Variants in ARL6 observed in about 807,000 individuals in gnomAD.
The protein encoded by ARL6 is ADP-ribosylation factor-like protein 6.
Under a neutral mutation model 27.1 loss-of-function variants are expected in ARL6, and 18 were observed. That is an observed-to-expected ratio of 0.66 (90% CI 0.46 to 0.98). The LOEUF (loss-of-function observed/expected upper bound fraction) is 0.98, where lower values mean the gene tolerates loss of function less well. ARL6 is among the 50% of genes least tolerant of loss of function. The pLI, the probability that ARL6 is intolerant of heterozygous loss-of-function variation, is 0.00. For synonymous variants in ARL6, 65 were observed against 72.3 expected (o/e 0.90, Z 0.51); for missense variants, 187 against 214.9 (o/e 0.87, Z 0.81).
chr3:97,776,317 G>A (rs940279978), intron 2 of ARL6, among the ~76,000 whole-genome samples: 6 of 151,990 alleles, frequency 3.9e-5, no homozygotes, highest in African/African-American at 1.4e-4. Flanking sequence ...TTCAGCCTGT[G>A]TGTATCTTCA....
chr3:97,788,054 G>C lies in ARL6; in HGVS notation c.414G>C (p.Val138=), dbSNP rs745897107. Reference sequence around the variant, plus strand: ...ATAAAATGGATCTTAGAGATGCAGTGACATCTGTAAAAGTGTCTCAGTTGC... The same window carrying C: ...ATAAAATGGATCTTAGAGATGCAGTCACATCTGTAAAAGTGTCTCAGTTGC... ...FANKMDLRDA[V]TSVKVSQLLC... is the part of the protein sequence containing the mutation. The change falls in exon 6 of 8, where the codon GTG becomes GTC. Residue 138 remains valine (V), a synonymous_variant. Transcript: ENST00000463745. The C allele has an allele frequency of 1.2e-6, 2 of 1,612,020 alleles. No individual in the cohort carries two copies. The highest frequency in any genetic ancestry group is 1.1e-5 in the South Asian group (1 of 91,038).
At chr3:97,767,879 T>G (rs528340661) in intron 1 of ARL6, among the ~76,000 whole-genome samples, 4 of 152,290 alleles carry the variant, frequency 2.6e-5, no homozygotes, top group African/African-American at 7.2e-5. Context: ...CCACCTGTTA[T>G]AAGCTGCAAA....
At chr3:97,779,485 T>C (rs971425421) in intron 2 of ARL6, among the ~76,000 whole-genome samples, 3 of 152,130 alleles carry the variant, frequency 2.0e-5, no homozygotes, top group African/African-American at 7.2e-5. Context: ...TCTATTTACA[T>C]CTTCTAGCTT....
rs751754302 is a variant in ARL6, at chr3:97,788,030, T to C, written c.390T>C (p.Asn130=). The part of the protein sequence containing the change: ...HRRIPILFFA[N]KMDLRDAVTS... ...GAATTCCAATCTTATTCTTTGCAAA[T>C]AAAATGGATCTTAGAGATGCAGTGA... The change falls in exon 6 of 8, where the codon AAT becomes AAC. Residue 130 remains asparagine, a synonymous_variant. Coordinates refer to ENST00000463745, the MANE Select transcript of ARL6 (RefSeq NM_001278293.3). The C allele has an allele frequency of 6.2e-7, 1 of 1,613,004 alleles. No individual in the cohort carries two copies. Among genetic ancestry groups the C allele is most frequent in the Admixed American group, 1.7e-5 (1 of 59,954 alleles).
chr3:97,779,863 C>G (rs2037096792), intron 2 of ARL6, among the ~76,000 whole-genome samples: 1 of 147,982 alleles, frequency 6.8e-6, no homozygotes, highest in Non-Finnish European at 1.5e-5. Context: ...GAGACTCTAT[C>G]TCAAAAAAAA....
intron 2 of ARL6, among the ~76,000 whole-genome samples, chr3:97,769,855 A>G (rs2036557774): frequency 6.6e-6 from 1 of 152,072 alleles, no homozygotes; most frequent in Non-Finnish European, 1.5e-5. Flanking sequence ...ATTGCTGCAA[A>G]TGACAGGATT....
chr3:97,780,667 TG>T lies in ARL6; in HGVS notation c.241del (p.Glu81AsnfsTer20). 1 of 1,611,842 alleles carries T rather than the reference TG, an allele frequency of 6.2e-7. No homozygotes were observed. Among genetic ancestry groups the T allele is most frequent in the Non-Finnish European group, 8.5e-7 (1 of 1,178,168 alleles). On this transcript the variant is annotated frameshift_variant, in exon 4 of 8. Transcript: ENST00000463745. LOFTEE classifies it high-confidence loss of function. ...MSGQGRYRNL[W>X]EHYYKEGQAI... Reference sequence around the variant, plus strand: ...AGGTCAAGGAAGATACAGAAATCTCTGGGAACACTATTATAAGTAAGTACAT... The same window carrying T: ...AGGTCAAGGAAGATACAGAAATCTCTGGAACACTATTATAAGTAAGTACAT...
At position 97,800,555 on chromosome 3, in the gene ARL6, A is replaced by G. The variant is rs182322694; in HGVS notation, c.*2506A>G. The G allele has an allele frequency of 2.0e-5, 3 of 151,212 alleles. No homozygotes were observed. Among genetic ancestry groups the G allele is most frequent in the Admixed American group, 2.0e-4 (3 of 15,182 alleles). 9.4% of individuals were successfully genotyped at this position (151,212 alleles called of 1,614,324 possible). A position where few individuals can be genotyped will look rare whatever the true frequency, so the allele number is the denominator to read the frequency against. On this transcript the variant is annotated 3_prime_UTR_variant, in exon 8 of 8. Transcript: ENST00000463745. Reference sequence around the variant, plus strand: ...AAATCACAAAAGAGCTGGGTTTTATATGTTTGTTTTTTATTTCTAAGCTCT... The same window carrying G: ...AAATCACAAAAGAGCTGGGTTTTATGTGTTTGTTTTTTATTTCTAAGCTCT...
In ARL6 at chr3:97,780,255, AG is replaced by A. The variant is rs1559680030; in HGVS notation, c.185+36del. 1.9e-6 allele frequency: 3 copies of A among 1,539,232 alleles called. No individual in the cohort carries two copies. The Admixed American group carries it at 5.1e-5, about 26-fold the overall frequency. ...TTTATCCCTTAACAAAAAAGTTGCTAGTGAAAAATAACAATATTAGGTCTAC... is the reference window on the plus strand; with the variant it reads ...TTTATCCCTTAACAAAAAAGTTGCTATGAAAAATAACAATATTAGGTCTAC... On this transcript the variant is annotated intron_variant, in intron 3 of 7. Transcript: ENST00000463745.
intron 1 of ARL6, 63 bp from the exon 2 acceptor site, chr3:97,768,018 C>G (rs3806613): frequency 0.02 from 27,800 of 1,415,826 alleles, 536 homozygotes; most frequent in African/African-American, 0.096. Context: ...TTTAATACAC[C>G]TACCAATATT....
At chr3:97,786,044 A>G (rs1457754360) in intron 5 of ARL6, among the ~76,000 whole-genome samples, 1 of 152,150 alleles carries the variant, frequency 6.6e-6, no homozygotes, top group Non-Finnish European at 1.5e-5. Flanking sequence ...TGACTTTTTA[A>G]TGTTAAAAAC....
Position 97,784,991 on chromosome 3 carries a change from T to A in ARL6, c.291T>A (p.Ser97Arg), listed in dbSNP as rs2037381055. 5.6e-6 allele frequency: 9 copies of A among 1,612,822 alleles called. No homozygotes were observed. Among genetic ancestry groups the A allele is most frequent in the Non-Finnish European group, 6.8e-6 (8 of 1,179,228 alleles). The change falls in exon 5 of 8, where the codon AGT becomes AGA. Residue 97 changes from serine to arginine, a missense_variant. Ser to Arg is a moderately radical substitution (Grantham distance 110). Coordinates refer to ENST00000463745, the MANE Select transcript of ARL6 (RefSeq NM_001278293.3). ...CTATTATTTTTGTCATTGATAGTAG[T>A]GATAGATTAAGAATGGTTGTGGCCA... ...GQAIIFVIDS[S>R]DRLRMVVAKE...
intron 2 of ARL6, among the ~76,000 whole-genome samples, chr3:97,772,072 T>A (rs2036662793): frequency 6.6e-6 from 1 of 152,232 alleles, no homozygotes; most frequent in Non-Finnish European, 1.5e-5. Context: ...TTCCTTCTCT[T>A]TACTTTTTGG....
At position 97,798,152 on chromosome 3, in the gene ARL6, T is replaced by C. The variant is rs1023063252; in HGVS notation, c.*103T>C. The C allele has an allele frequency of 4.9e-6, 6 of 1,232,894 alleles. No individual in the cohort carries two copies. The highest frequency in any genetic ancestry group is 1.8e-5 in the Admixed American group (1 of 56,154). The allele number at this position is 1,232,894 out of a possible 1,614,324, so 76.4% of individuals were successfully genotyped here. On this transcript the variant is annotated 3_prime_UTR_variant, in exon 8 of 8. Coordinates refer to ENST00000463745, the MANE Select transcript of ARL6 (RefSeq NM_001278293.3). Reference sequence around the variant, plus strand: ...GATGTTTATGCATCAAAAAATATAATTTTCTGCTTGCATTTATGGACTCTG... The same window carrying C: ...GATGTTTATGCATCAAAAAATATAACTTTCTGCTTGCATTTATGGACTCTG...
At chr3:97,778,929 A>G (rs900319436) in intron 2 of ARL6, among the ~76,000 whole-genome samples, 1 of 152,084 alleles carries the variant, frequency 6.6e-6, no homozygotes, top group Non-Finnish European at 1.5e-5. Flanking sequence ...AAAGAATGTA[A>G]AAAAAAGGGA....
rs2038195667 is a variant in ARL6 at position 97,800,257 on chromosome 3, T to G, written c.*2208T>G. 1 of 152,152 alleles carries G rather than the reference T, an allele frequency of 6.6e-6. No homozygotes were observed. Among genetic ancestry groups the G allele is most frequent in the Admixed American group, 6.6e-5 (1 of 15,262 alleles). The allele number at this position is 152,152 out of a possible 1,614,324, so 9.4% of individuals were successfully genotyped here. On this transcript the variant is annotated 3_prime_UTR_variant, in exon 8 of 8. Coordinates refer to ENST00000463745, the MANE Select transcript of ARL6 (RefSeq NM_001278293.3). ...TCCACATTTTCATGTAAAGATTATG[T>G]AGAAGTTGGGCAACAGTGTAGTCAC...
chr3:97,772,384 T>C (rs1293017148), intron 2 of ARL6, among the ~76,000 whole-genome samples: 1 of 152,090 alleles, frequency 6.6e-6, no homozygotes, highest in Admixed American at 6.6e-5. Flanking sequence ...TCTTAAGTTC[T>C]AATTTCATTT....
intron 2 of ARL6, among the ~76,000 whole-genome samples, chr3:97,772,137 G>A (rs1456494591): frequency 6.6e-6 from 1 of 152,154 alleles, no homozygotes; most frequent in Non-Finnish European, 1.5e-5. Context: ...GAATTCCATA[G>A]TGAAGCCATC....
chr3:97,791,758 G>A lies in ARL6; in HGVS notation c.480-13G>A. 3 of 1,612,936 alleles carry A rather than the reference G, an allele frequency of 1.9e-6. No individual in the cohort carries two copies. The highest frequency in any genetic ancestry group is 1.7e-4 in the Middle Eastern group (1 of 6,050). On this transcript the variant is annotated splice_polypyrimidine_tract_variant and intron_variant, in intron 6 of 7. Transcript: ENST00000463745. ...TAATGAGATGGCTATGTTTCTTATG[G>A]ATTTCATTTCAGTGCTAGTGATGCC...
Sources: gnomAD v4.1 joint callset for allele counts (sites outside exome capture counted in the v4.1 genomes callset) on GRCh38, gnomAD v4.1.1 for gene constraint, MANE v1.5 for transcripts, NCBI Gene and HGNC (gene_info 2026-07-23, HGNC 2026-07-21) for gene names.